Variants in CCDC149 observed in about 807,000 individuals in gnomAD.
The protein encoded by CCDC149 is coiled-coil domain-containing protein 149.
In CCDC149, 45 loss-of-function variants were observed where a neutral mutation model predicts 59.9. The observed-to-expected ratio is 0.75, with a 90% CI of 0.59 to 0.96. The LOEUF is 0.96. CCDC149 is among the 40% of genes least tolerant of loss of function. The pLI is 0.00. For missense variants in CCDC149, 584 were observed against 664.7 expected (o/e 0.88, Z 1.33); for synonymous variants, 245 against 260.6 (o/e 0.94, Z 0.58).
intron 9 of CCDC149, among the ~76,000 whole-genome samples, chr4:24,826,097 A>G (rs1715722726): frequency 6.6e-6 from 1 of 151,108 alleles, no homozygotes; most frequent in Non-Finnish European, 1.5e-5. Flanking sequence ...CTGGGACTAC[A>G]GGTGTCTGCT....
In CCDC149 at chr4:24,912,875, TC is replaced by T; in HGVS notation, c.4del (p.Glu2ArgfsTer5). On this transcript the variant is annotated frameshift_variant, in exon 1 of 13. Transcript: ENST00000635206. LOFTEE classifies it high-confidence loss of function. ...CCGGTCGCCGTTCATGGCCTCCTCC[TC>T]CATGCGCTGGCCGGCCTCCTGGACC... 1 of 1,359,200 alleles carries T rather than the reference TC, an allele frequency of 7.4e-7. No homozygotes were observed. The allele number at this position is 1,359,200 out of a possible 1,614,324, so 84.2% of individuals were successfully genotyped here. A position where few individuals can be genotyped will look rare whatever the true frequency, so the allele number is the denominator to read the frequency against.
chr4:24,833,328 A>C (rs1042558970), intron 8 of CCDC149, among the ~76,000 whole-genome samples: 11 of 152,066 alleles, frequency 7.2e-5, no homozygotes, highest in Admixed American at 1.3e-4. Flanking sequence ...CTGTGTATAG[A>C]TACAGAATTA....
intron 2 of CCDC149, among the ~76,000 whole-genome samples, chr4:24,873,924 G>C (rs1337683731): frequency 1.3e-5 from 2 of 151,842 alleles, no homozygotes; most frequent in South Asian, 2.1e-4. Flanking sequence ...AACCTCTAGG[G>C]AATCAGTTCC....
intron 1 of CCDC149, among the ~76,000 whole-genome samples, chr4:24,911,245 G>A (rs912666860): frequency 4.6e-5 from 7 of 152,126 alleles, no homozygotes; most frequent in African/African-American, 1.7e-4. Flanking sequence ...CCAACTGAGG[G>A]GCACCCCATG....
At chr4:24,851,081 C>A (rs544105125) in intron 4 of CCDC149, among the ~76,000 whole-genome samples, 17 of 152,134 alleles carry the variant, frequency 1.1e-4, no homozygotes, top group African/African-American at 4.1e-4. Context: ...GAATAGCAGT[C>A]ACTAAATTCT....
chr4:24,809,589 G>A (rs76422654), intron 12 of CCDC149, among the ~76,000 whole-genome samples: 1,959 of 150,346 alleles, frequency 0.013, 41 homozygotes, highest in African/African-American at 0.047. Context: ...CAGCATGGCG[G>A]AGCCAGCTCT....
chr4:24,948,200 G>C (rs906043174), intron 1 of CCDC149, among the ~76,000 whole-genome samples: 1 of 152,200 alleles, frequency 6.6e-6, no homozygotes, highest in Non-Finnish European at 1.5e-5. Context: ...GTACATCCAA[G>C]AGAGAAAGTT....
chr4:24,946,486 G>T (rs550953510), intron 1 of CCDC149, among the ~76,000 whole-genome samples: 5 of 152,148 alleles, frequency 3.3e-5, no homozygotes, highest in African/African-American at 7.2e-5. Flanking sequence ...AAATATCTTG[G>T]TTTTTTTCCT....
rs1714319919 is a variant in CCDC149 at position 24,808,041 on chromosome 4, A to G, written c.*348T>C. The G allele has an allele frequency of 5.7e-6, 1 of 173,946 alleles. No individual in the cohort carries two copies. Among genetic ancestry groups the G allele is most frequent in the Admixed American group, 6.2e-5 (1 of 16,126 alleles). The allele number at this position is 173,946 out of a possible 1,614,324, so 10.8% of individuals were successfully genotyped here. ...CCATAATTTTGATTGACAACATTAA[A>G]TGCTAATACAAAAACATCTTATCTC... On this transcript the variant is annotated 3_prime_UTR_variant, in exon 13 of 13. Coordinates refer to ENST00000635206, the MANE Select transcript of CCDC149 (RefSeq NM_001330643.2).
intron 9 of CCDC149, chr4:24,829,297 T>C (rs1228205107): frequency 6.6e-6 from 1 of 152,484 alleles, no homozygotes; most frequent in African/African-American, 2.4e-5. Flanking sequence ...GTTGGAAATG[T>C]GGGTCTTGGT....
chr4:24,835,138 T>A (rs1157031468), intron 7 of CCDC149, 106 bp from the exon 8 acceptor site: 1 of 681,816 alleles, frequency 1.5e-6, no homozygotes, highest in Non-Finnish European at 2.6e-6. Context: ...CCTTGCAAAC[T>A]CCAAGTGCTA....
At chr4:24,980,034 C>G (rs1355888341) in intron 1 of CCDC149, 10 of 152,166 alleles carry the variant, frequency 6.6e-5, no homozygotes, top group Non-Finnish European at 2.9e-5. Flanking sequence ...CCATAAATAA[C>G]GAGGCAGTTA....
intron 1 of CCDC149, among the ~76,000 whole-genome samples, chr4:24,962,068 A>C (rs7442365): frequency 0.17 from 26,274 of 150,938 alleles, 3,084 homozygotes; most frequent in African/African-American, 0.32. Flanking sequence ...TCATCTGACA[A>C]AGGGCTAATA....
chr4:24,922,604 T>C (rs1577486954), intron 1 of CCDC149, among the ~76,000 whole-genome samples: 1 of 152,332 alleles, frequency 6.6e-6, no homozygotes, highest in African/African-American at 2.4e-5. Flanking sequence ...AGTCAGCTCC[T>C]GTCCCTTCAG....
rs1047582233 is a variant in CCDC149, at chr4:24,852,284, CCATACACACACACA to C, written c.372+774_372+787del. ...CCAAGAACTGCTCCCCTCCAACACACCATACACACACACACACACACACACACACACACACACAC... is the reference window on the plus strand; with the variant it reads ...CCAAGAACTGCTCCCCTCCAACACACCACACACACACACACACACACACAC... On this transcript the variant is annotated intron_variant, in intron 4 of 12. Transcript: ENST00000635206. Among the ~76,000 whole-genome samples, 79 of 109,368 alleles carry C rather than the reference CCATACACACACACA, an allele frequency of 7.2e-4. 1 individual carries two copies. In the South Asian group the frequency reaches 0.017, roughly 24 times the overall value. The allele number at this position is 109,368 out of a possible 152,430, so 71.7% of individuals were successfully genotyped here. A position where few individuals can be genotyped will look rare whatever the true frequency, so the allele number is the denominator to read the frequency against.
chr4:24,901,353 G>A (rs1339310686), intron 1 of CCDC149, among the ~76,000 whole-genome samples: 1 of 152,170 alleles, frequency 6.6e-6, no homozygotes, highest in Non-Finnish European at 1.5e-5. Context: ...ACCAGGCAGT[G>A]AGTAGTAAAT....
chr4:24,904,474 G>A (rs1721359507), intron 1 of CCDC149, among the ~76,000 whole-genome samples: 1 of 152,214 alleles, frequency 6.6e-6, no homozygotes, highest in South Asian at 2.1e-4. Context: ...TTATTCGGTT[G>A]TATACTGCTT....
intron 3 of CCDC149, among the ~76,000 whole-genome samples, chr4:24,870,098 G>A (rs1347938592): frequency 6.6e-6 from 1 of 152,218 alleles, no homozygotes; most frequent in African/African-American, 2.4e-5. Context: ...CAAAGTGGTA[G>A]AGTTGTCAGG....
chr4:24,944,341 T>C (rs1387529833), intron 1 of CCDC149, among the ~76,000 whole-genome samples: 1 of 151,658 alleles, frequency 6.6e-6, no homozygotes. Flanking sequence ...TAGGTGGGAA[T>C]TGAACAATGA....
Sources: gnomAD v4.1 joint callset for allele counts (sites outside exome capture counted in the v4.1 genomes callset) on GRCh38, gnomAD v4.1.1 for gene constraint, MANE v1.5 for transcripts, NCBI Gene and HGNC (gene_info 2026-07-23, HGNC 2026-07-21) for gene names.